Variants in BRAF observed in about 807,000 individuals in gnomAD.
BRAF encodes the protein B-Raf proto-oncogene, serine/threonine kinase.
In BRAF, 16 loss-of-function variants were observed where a neutral mutation model predicts 104.6. The ratio of observed to expected loss-of-function variants is 0.15; its 90% confidence interval spans 0.10 to 0.23. The LOEUF is 0.23. Ranked by LOEUF, BRAF falls within the 10% of genes least tolerant of loss-of-function variation. BRAF has a pLI of 1.00. For synonymous variants in BRAF, 310 were observed against 341.6 expected, an observed-to-expected ratio of 0.91 and a Z score of 1.02; for missense variants, 541 against 937.3, an observed-to-expected ratio of 0.58 and a Z score of 5.52.
At chr7:140,895,037 C>A (rs534625623) in intron 1 of BRAF, among the ~76,000 whole-genome samples, 2 of 152,290 alleles carry the variant, frequency 1.3e-5, no homozygotes, top group African/African-American at 4.8e-5. Context: ...GAGGTATAGA[C>A]TGAGCTCACT....
intron 1 of BRAF, among the ~76,000 whole-genome samples, chr7:140,885,085 T>C (rs923359897): frequency 1.8e-4 from 28 of 152,162 alleles, no homozygotes; most frequent in African/African-American, 6.8e-4. Context: ...CACTTCAACC[T>C]TGGCCTCCCA....
intron 1 of BRAF, among the ~76,000 whole-genome samples, chr7:140,888,116 G>A (rs1173546340): frequency 2.0e-5 from 3 of 152,130 alleles, no homozygotes; most frequent in Admixed American, 6.5e-5. Flanking sequence ...CTTGTGATCC[G>A]TCTACCTCGG....
intron 17 of BRAF, among the ~76,000 whole-genome samples, chr7:140,748,501 T>C (rs889489711): frequency 2.6e-5 from 4 of 152,162 alleles, no homozygotes; most frequent in Non-Finnish European, 5.9e-5. Context: ...AATCACAGCA[T>C]AAAGTCGAAA....
At chr7:140,742,193 T>C (rs1052170745) in intron 17 of BRAF, among the ~76,000 whole-genome samples, 10 of 151,898 alleles carry the variant, frequency 6.6e-5, no homozygotes, top group African/African-American at 2.4e-4. Flanking sequence ...GGGTTTTTTT[T>C]GTTTTTGTTT....
At chr7:140,767,131 G>A (rs1017127610) in intron 14 of BRAF, among the ~76,000 whole-genome samples, 1 of 152,044 alleles carries the variant, frequency 6.6e-6, no homozygotes, top group African/African-American at 2.4e-5. Context: ...AGCTTCCCAA[G>A]TAGCTGGGAC....
At chr7:140,918,460 T>G (rs752850594) in intron 1 of BRAF, among the ~76,000 whole-genome samples, 1 of 152,130 alleles carries the variant, frequency 6.6e-6, no homozygotes, top group Non-Finnish European at 1.5e-5. Flanking sequence ...GCCACTCACC[T>G]CCTGCGGTGT....
At position 140,721,321 on chromosome 7, in the gene BRAF, C is replaced by G. The variant is rs1795315046; in HGVS notation, c.*5173G>C. Reference sequence around the variant, plus strand: ...TTTTTTTTTTTTAAAGCACTGTTACCTTAATTTAAGATTTTAGGAGTTGGG... The same window carrying G: ...TTTTTTTTTTTTAAAGCACTGTTACGTTAATTTAAGATTTTAGGAGTTGGG... On this transcript the variant is annotated 3_prime_UTR_variant, in exon 20 of 20. Coordinates refer to ENST00000644969, the MANE Select transcript of BRAF (RefSeq NM_001374258.1). The G allele has an allele frequency of 8.5e-7, 1 of 1,181,950 alleles. No individual in the cohort carries two copies. Among genetic ancestry groups the G allele is most frequent in the South Asian group, 4.3e-5 (1 of 23,082 alleles). 73.2% of individuals were successfully genotyped at this position (1,181,950 alleles called of 1,614,324 possible).
intron 7 of BRAF, among the ~76,000 whole-genome samples, chr7:140,795,639 G>A (rs1251454059): frequency 6.6e-6 from 1 of 152,166 alleles, no homozygotes; most frequent in Non-Finnish European, 1.5e-5. Flanking sequence ...AAACATGTCA[G>A]AATCTGAACC....
intron 7 of BRAF, among the ~76,000 whole-genome samples, chr7:140,797,784 G>A (rs1802640127): frequency 1.3e-5 from 2 of 152,124 alleles, no homozygotes; most frequent in African/African-American, 4.8e-5. Flanking sequence ...CATTAGAAAG[G>A]CATCATGGTC....
intron 15 of BRAF, 30 bp downstream of exon 14, chr7:140,754,157 A>G (rs751094451): frequency 1.9e-6 from 3 of 1,606,670 alleles, no homozygotes; most frequent in East Asian, 2.2e-5. Context: ...GATGTTTTCA[A>G]ACTTCGCAGA....
Position 140,723,980 on chromosome 7 carries a change from A to G in BRAF, c.*2514T>C. On this transcript the variant is annotated 3_prime_UTR_variant, in exon 20 of 20. Transcript: ENST00000644969. The stretch of plus-strand genomic sequence containing the variant: ...GAGAAAAAACCTATTTCATAGAAAA[A>G]GGAAGAAAAGAGAGGTTTAAATATT... The G allele has an allele frequency of 1.9e-6, 2 of 1,040,502 alleles. No homozygotes were observed. Among genetic ancestry groups the G allele is most frequent in the Non-Finnish European group, 1.2e-6 (1 of 863,330 alleles). 64.5% of individuals were successfully genotyped at this position (1,040,502 alleles called of 1,614,324 possible). A position where few individuals can be genotyped will look rare whatever the true frequency, so the allele number is the denominator to read the frequency against.
At chr7:140,894,742 C>T (rs1814682929) in intron 1 of BRAF, among the ~76,000 whole-genome samples, 1 of 151,716 alleles carries the variant, frequency 6.6e-6, no homozygotes, top group Admixed American at 6.6e-5. Flanking sequence ...GGAAGAACTG[C>T]CTTATCAACA....
intron 2 of BRAF, among the ~76,000 whole-genome samples, chr7:140,849,574 T>TGGGA (rs1056338413): frequency 6.6e-6 from 1 of 150,850 alleles, no homozygotes; most frequent in African/African-American, 2.4e-5. Flanking sequence ...CCTAGCACTT[T>TGGGA]GGGAGGCCAA....
At chr7:140,766,074 G>T (rs1259113183) in intron 14 of BRAF, among the ~76,000 whole-genome samples, 4 of 152,008 alleles carry the variant, frequency 2.6e-5, no homozygotes, top group Admixed American at 6.6e-5. Context: ...TGATAGACTG[G>T]ATTAAGAAAA....
chr7:140,750,034 C>T (rs10282499), intron 16 of BRAF, among the ~76,000 whole-genome samples: 45,813 of 152,088 alleles, frequency 0.3, 10,977 homozygotes, highest in African/African-American at 0.67. Context: ...AAAGAATCTT[C>T]TGGCTGCTGC....
At chr7:140,866,419 C>T (rs1003321217) in intron 1 of BRAF, among the ~76,000 whole-genome samples, 8 of 152,162 alleles carry the variant, frequency 5.3e-5, no homozygotes, top group African/African-American at 9.7e-5. Context: ...ACAACTGAGG[C>T]ATGACAGCCT....
At chr7:140,742,987 G>GATTT (rs1562936057) in intron 17 of BRAF, among the ~76,000 whole-genome samples, 1 of 152,078 alleles carries the variant, frequency 6.6e-6, no homozygotes, top group African/African-American at 2.4e-5. Context: ...CACCATCACT[G>GATTT]GCCATCAGAG....
At chr7:140,836,713 T>C (rs1469748069) in intron 2 of BRAF, among the ~76,000 whole-genome samples, 1 of 152,236 alleles carries the variant, frequency 6.6e-6, no homozygotes, top group Non-Finnish European at 1.5e-5. Flanking sequence ...AATTTATTTA[T>C]TGAGCCTTCA....
intron 1 of BRAF, among the ~76,000 whole-genome samples, chr7:140,907,747 CTTTT>C (rs565747786): frequency 9.5e-4 from 137 of 143,552 alleles, no homozygotes; most frequent in Admixed American, 1.5e-3. Context: ...ACCAAAGTAA[CTTTT>C]TTTTTTTTTT....
Sources: gnomAD v4.1 joint callset for allele counts (sites outside exome capture counted in the v4.1 genomes callset) on GRCh38, gnomAD v4.1.1 for gene constraint, MANE v1.5 for transcripts, NCBI Gene and HGNC (gene_info 2026-07-23, HGNC 2026-07-21) for gene names.